Variants in FGFR1 observed in about 807,000 individuals in gnomAD.
FGFR1 encodes the protein fibroblast growth factor receptor 1.
A neutral mutation model predicts 93.7 loss-of-function variants in FGFR1; 18 were observed. The observed-to-expected ratio is 0.19, with a 90% CI of 0.13 to 0.28. The LOEUF (loss-of-function observed/expected upper bound fraction) is 0.28. Ranked by LOEUF, FGFR1 falls within the 10% of genes least tolerant of loss-of-function variation. FGFR1 has a pLI of 1.00. For missense variants in FGFR1, 731 were observed against 1,080.4 expected, an observed-to-expected ratio of 0.68 and a Z score of 4.53; for synonymous variants, 448 against 429.3, an observed-to-expected ratio of 1.04 and a Z score of -0.54.
intron 2 of FGFR1, among the ~76,000 whole-genome samples, chr8:38,450,279 G>A (rs555118035): frequency 2.8e-4 from 42 of 152,334 alleles, no homozygotes; most frequent in African/African-American, 1.0e-3. Flanking sequence ...AGGAGCCCAG[G>A]AGAATGAGAG....
At chr8:38,417,045 C>T (rs1324767461) in intron 12 of FGFR1, among the ~76,000 whole-genome samples, 1 of 152,272 alleles carries the variant, frequency 6.6e-6, no homozygotes, top group Non-Finnish European at 1.5e-5. Flanking sequence ...TGAGCCACTG[C>T]ACCCAGCCTG....
At chr8:38,452,849 CGCCTG>C (rs1831521693) in intron 2 of FGFR1, among the ~76,000 whole-genome samples, 1 of 152,102 alleles carries the variant, frequency 6.6e-6, no homozygotes, top group African/African-American at 2.4e-5. Context: ...TGGTGGCACG[CGCCTG>C]TAATCCCAGC....
rs1835989847 is a variant in FGFR1 at position 38,468,452 on chromosome 8, A to T, written c.-560T>A. ...AGCAGCGGCGCGCTCGCGGCCGGGG[A>T]AGGCGAGGTCGCCGCAATGCGCTAC... On this transcript the variant is annotated 5_prime_UTR_variant, in exon 1 of 18. Coordinates refer to ENST00000447712, the MANE Select transcript of FGFR1 (RefSeq NM_023110.3). The T allele has an allele frequency of 4.4e-6, 1 of 228,478 alleles. No individual in the cohort carries two copies. Among genetic ancestry groups the T allele is most frequent in the Non-Finnish European group, 8.7e-6 (1 of 114,956 alleles). 14.2% of individuals were successfully genotyped at this position (228,478 alleles called of 1,614,324 possible). A position where few individuals can be genotyped will look rare whatever the true frequency, so the allele number is the denominator to read the frequency against.
intron 2 of FGFR1, among the ~76,000 whole-genome samples, chr8:38,441,779 G>A (rs1359371801): frequency 2.0e-5 from 3 of 152,224 alleles, no homozygotes; most frequent in African/African-American, 4.8e-5. Flanking sequence ...GGACACAGCT[G>A]GTGGTGAAGA....
At chr8:38,453,655 A>C (rs1831825036) in intron 2 of FGFR1, among the ~76,000 whole-genome samples, 1 of 152,166 alleles carries the variant, frequency 6.6e-6, no homozygotes, top group South Asian at 2.1e-4. Flanking sequence ...TAGTCCCAGC[A>C]CTTTGGGAAG....
rs775398949 is a variant in FGFR1, at chr8:38,421,816, T to C, written c.1062A>G (p.Ala354=). The change falls in exon 8 of 18, where the codon GCA becomes GCG. Residue 354 remains alanine, a synonymous_variant. Transcript: ENST00000447712. ...GNSIGLSHHS[A]WLTVLEALEE... Reference sequence around the variant, plus strand: ...GTGTACCTTCCAGAACGGTCAACCATGCAGAGTGATGGGAGAGTCCGATAG... The same window carrying C: ...GTGTACCTTCCAGAACGGTCAACCACGCAGAGTGATGGGAGAGTCCGATAG... 1.9e-6 allele frequency: 3 copies of C among 1,613,886 alleles called. No individual in the cohort carries two copies. Among genetic ancestry groups the C allele is most frequent in the African/African-American group, 2.7e-5 (2 of 74,862 alleles).
At chr8:38,465,398 TAA>T (rs1339362555) in intron 1 of FGFR1, 9 of 232,068 alleles carry the variant, frequency 3.9e-5, no homozygotes, top group Non-Finnish European at 7.7e-5. Flanking sequence ...TGAACCTCAT[TAA>T]AAAGCTGACA....
In FGFR1 at chr8:38,429,742, C is replaced by T. The variant is rs2150957504; in HGVS notation, c.298G>A (p.Ala100Thr). The T allele has an allele frequency of 6.3e-7, 1 of 1,590,724 alleles. No homozygotes were observed. The highest frequency in any genetic ancestry group is 1.1e-5 in the South Asian group (1 of 87,752). Reference protein sequence around the residue: ...DSVPADSGLYACVTSSPSGSD... With the variant: ...DSVPADSGLYTCVTSSPSGSD... ...CCCGAGGGGCTGCTGGTTACGCAAGCATAGAGGCCGGAGTCTGCGGGCACG... is the reference window on the plus strand; with the variant it reads ...CCCGAGGGGCTGCTGGTTACGCAAGTATAGAGGCCGGAGTCTGCGGGCACG... The change falls in exon 3 of 18, where the codon GCT becomes ACT. Residue 100 changes from alanine to threonine, a missense_variant. Around this residue, in one of 10 missense-constraint regions of FGFR1, gnomAD observed 212 missense variants for 205.8 expected, o/e 1.03. Coordinates refer to ENST00000447712, the MANE Select transcript of FGFR1 (RefSeq NM_023110.3). This position sits in a 1 kb window ranked among gnomAD's most constrained non-coding sequence, Gnocchi z 4.4.
At chr8:38,450,018 G>T (rs1460167212) in intron 2 of FGFR1, among the ~76,000 whole-genome samples, 1 of 152,246 alleles carries the variant, frequency 6.6e-6, no homozygotes, top group Non-Finnish European at 1.5e-5. Flanking sequence ...CTGCTACTTG[G>T]CTGCCACCAG....
chr8:38,452,180 G>GACAGACAC (rs1262266979), intron 2 of FGFR1, among the ~76,000 whole-genome samples: 15 of 139,204 alleles, frequency 1.1e-4, no homozygotes, highest in African/African-American at 3.2e-4. Context: ...AGGGGCTCCC[G>GACAGACAC]ACAGACACAC....
At chr8:38,427,707 A>G (rs1183977391) in intron 5 of FGFR1, among the ~76,000 whole-genome samples, 2 of 152,260 alleles carry the variant, frequency 1.3e-5, no homozygotes, top group Non-Finnish European at 2.9e-5. Flanking sequence ...AATTACATAC[A>G]TGATGTGATC....
At chr8:38,434,527 C>A in intron 2 of FGFR1, 2 of 332,404 alleles carry the variant, frequency 6.0e-6, no homozygotes, top group South Asian at 3.5e-5. Context: ...GTCTCTGAAC[C>A]TTCACCACAA....
chr8:38,449,313 A>G (rs1019662061), intron 2 of FGFR1, among the ~76,000 whole-genome samples: 1 of 152,220 alleles, frequency 6.6e-6, no homozygotes, highest in African/African-American at 2.4e-5. Context: ...GGACTAGGAT[A>G]AAACAATGTA....
chr8:38,415,749 C>T, intron 13 of FGFR1, 121 bp downstream of exon 13: 2 of 987,306 alleles, frequency 2.0e-6, no homozygotes, highest in Admixed American at 4.0e-5. Context: ...ACACAGGGCA[C>T]ACAGGGCCAG....
intron 2 of FGFR1, among the ~76,000 whole-genome samples, chr8:38,452,192 GACACACAGACACAC>G (rs1479403842): frequency 3.3e-5 from 3 of 91,480 alleles, no homozygotes; most frequent in African/African-American, 8.4e-5. Flanking sequence ...CAGACACACA[GACACACAGACACAC>G]ACACACACAC....
At position 38,414,231 on chromosome 8, in the gene FGFR1, C is replaced by T. The variant is rs768957161; in HGVS notation, c.2107G>A (p.Gly703Ser). The T allele has an allele frequency of 1.8e-5, 29 of 1,614,024 alleles. No individual in the cohort carries two copies. The highest frequency in any genetic ancestry group is 2.2e-5 in the South Asian group (2 of 91,090). ...TTGAAAAGTTCCTCCACAGGCACACCGGGGTATGGGGAGCCGCCCAGAGTG... is the reference window on the plus strand; with the variant it reads ...TTGAAAAGTTCCTCCACAGGCACACTGGGGTATGGGGAGCCGCCCAGAGTG... ...IFTLGGSPYP[G>S]VPVEELFKLL... The change falls in exon 16 of 18, where the codon GGT (glycine) becomes AGT (serine). Residue 703 changes from glycine (G) to serine (S), a missense_variant. Coordinates refer to ENST00000447712, the MANE Select transcript of FGFR1 (RefSeq NM_023110.3).
chr8:38,451,064 C>A (rs563224303), intron 2 of FGFR1, among the ~76,000 whole-genome samples: 4 of 152,282 alleles, frequency 2.6e-5, no homozygotes, highest in African/African-American at 9.6e-5. Context: ...GAGCTTAGCA[C>A]CTTGCAGATT....
rs368650560 is a variant in FGFR1, at chr8:38,419,786, C to A, written c.1082-51G>T. 177 of 1,515,338 alleles carry A rather than the reference C, an allele frequency of 1.2e-4. No individual in the cohort carries two copies. In the African/African-American group the frequency reaches 2.3e-3, roughly 19 times the overall value. The allele number at this position is 1,515,338 out of a possible 1,614,324, so 93.9% of individuals were successfully genotyped here. Reference sequence around the variant, plus strand: ...GCAGGCTTGGAGGGCCCCGTCCATGCGAGGTCCCGCTCCATTAGAAAAGCA... The same window carrying A: ...GCAGGCTTGGAGGGCCCCGTCCATGAGAGGTCCCGCTCCATTAGAAAAGCA... On this transcript the variant is annotated intron_variant, in intron 8 of 17. Coordinates refer to ENST00000447712, the MANE Select transcript of FGFR1 (RefSeq NM_023110.3).
intron 2 of FGFR1, among the ~76,000 whole-genome samples, chr8:38,446,227 TTA>T (rs1431069738): frequency 0.01 from 1,516 of 149,362 alleles, 33 homozygotes; most frequent in African/African-American, 0.036. Flanking sequence ...TTTTTTTTTT[TTA>T]AAGAGGAAGT....
Sources: gnomAD v4.1 joint callset for allele counts (sites outside exome capture counted in the v4.1 genomes callset) on GRCh38, gnomAD v4.1.1 for gene constraint, gnomAD v4.1.1 regional missense constraint, Gnocchi (gnomAD v3.1) non-coding constraint, MANE v1.5 for transcripts, NCBI Gene and HGNC (gene_info 2026-07-23, HGNC 2026-07-21) for gene names.